Variants in EIF3E observed in about 807,000 individuals in gnomAD.
EIF3E encodes eukaryotic translation initiation factor 3 subunit E.
EIF3E carries 25 observed loss-of-function variants against 59.3 expected under a neutral mutation model. The observed-to-expected ratio is 0.42, with a 90% CI of 0.31 to 0.59. The LOEUF (loss-of-function observed/expected upper bound fraction) is 0.59. EIF3E is among the 20% of genes least tolerant of loss of function. The probability of loss-of-function intolerance (pLI) is 0.15; values close to 1 mark genes in which losing one functional copy is unlikely to be tolerated. For synonymous variants in EIF3E, 176 were observed against 170.2 expected (o/e 1.03, Z -0.26); for missense variants, 317 against 534.3 (o/e 0.59, Z 4.01).
intron 12 of EIF3E, among the ~76,000 whole-genome samples, chr8:108,202,667 A>G (rs1224054008): frequency 6.6e-6 from 1 of 152,064 alleles, no homozygotes; most frequent in Non-Finnish European, 1.5e-5. Context: ...CTACACATGT[A>G]AGTTATCATC....
chr8:108,201,993 A>C (rs890855372), intron 12 of EIF3E, 70 bp from the exon 13 acceptor site: 1 of 1,395,612 alleles, frequency 7.2e-7, no homozygotes, highest in Non-Finnish European at 9.7e-7. Context: ...ACATAGAAGA[A>C]AGTAACACAG....
intron 7 of EIF3E, chr8:108,227,081 T>C (rs559961558): frequency 6.6e-6 from 1 of 152,326 alleles, no homozygotes; most frequent in African/African-American, 2.4e-5. Flanking sequence ...TCTCAGCACT[T>C]TGGGAGGCTG....
rs930734734 is a variant in EIF3E at position 108,234,850 on chromosome 8, G to A, written c.471+148C>T. 15 of 424,414 alleles carry A rather than the reference G, an allele frequency of 3.5e-5. No homozygotes were observed. The East Asian group carries it at 4.8e-4, about 14-fold the overall frequency. The allele number at this position is 424,414 out of a possible 1,614,324, so 26.3% of individuals were successfully genotyped here. On this transcript the variant is annotated intron_variant, in intron 5 of 12. Transcript: ENST00000220849. ...TTCTAGTTTCTGTTTTTGAGTGGGA[G>A]GGTTTTCTTTACTTTTTTCTCTTTT... is the stretch of plus-strand genomic sequence containing the variant.
At chr8:108,208,950 A>AG (rs1815157299) in intron 10 of EIF3E, among the ~76,000 whole-genome samples, 1 of 152,150 alleles carries the variant, frequency 6.6e-6, no homozygotes, top group Non-Finnish European at 1.5e-5. Flanking sequence ...TATGGTAAAC[A>AG]GATTTGTAAC....
rs181405535 is a variant in EIF3E at position 108,228,664 on chromosome 8, C to G, written c.598-273G>C. The stretch of plus-strand genomic sequence containing the variant: ...TCTTACAGAAGTTATAAATTATAAT[C>G]ATTTCAGAAAACATTTTAAAAGCAA... On this transcript the variant is annotated intron_variant, in intron 6 of 12. Transcript: ENST00000220849. Among the ~76,000 whole-genome samples the G allele has an allele frequency of 1.7e-4, 26 of 152,224 alleles. No homozygotes were observed. In the East Asian group the frequency reaches 4.2e-3, roughly 25 times the overall value.
At chr8:108,234,960 CAAAAA>C (rs3075616) in intron 5 of EIF3E, 33 bp downstream of exon 5, 7,456 of 866,632 alleles carry the variant, frequency 8.6e-3, no homozygotes, top group South Asian at 0.014. Context: ...CTACAAAAGA[CAAAAA>C]AAAAAAAAAA....
intron 7 of EIF3E, among the ~76,000 whole-genome samples, chr8:108,220,919 G>A (rs1815398947): frequency 6.6e-6 from 1 of 152,182 alleles, no homozygotes; most frequent in African/African-American, 2.4e-5. Flanking sequence ...CTACTCAGGA[G>A]GCTGAATTGG....
chr8:108,212,703 G>A (rs907034499), intron 10 of EIF3E, among the ~76,000 whole-genome samples: 1 of 152,168 alleles, frequency 6.6e-6, no homozygotes, highest in African/African-American at 2.4e-5. Flanking sequence ...TTGGGAGGCT[G>A]AGGCACGAGA....
chr8:108,238,146 G>C (rs1404302210), intron 3 of EIF3E, among the ~76,000 whole-genome samples: 1 of 152,108 alleles, frequency 6.6e-6, no homozygotes, highest in Non-Finnish European at 1.5e-5. Flanking sequence ...TATTTCCGCT[G>C]TCCCTTTGTA....
chr8:108,246,875 T>C (rs374231812), intron 1 of EIF3E, among the ~76,000 whole-genome samples: 48 of 152,352 alleles, frequency 3.2e-4, no homozygotes, highest in African/African-American at 1.2e-3. Flanking sequence ...AATAATACAG[T>C]ATAGAACACA....
intron 7 of EIF3E, among the ~76,000 whole-genome samples, chr8:108,221,804 A>G (rs609185): frequency 1.6e-4 from 19 of 119,038 alleles, no homozygotes; most frequent in African/African-American, 4.8e-4. Context: ...CTACACACAC[A>G]CGCACACACA....
intron 7 of EIF3E, among the ~76,000 whole-genome samples, chr8:108,219,899 T>C (rs1221207798): frequency 6.6e-6 from 1 of 152,050 alleles, no homozygotes; most frequent in South Asian, 2.1e-4. Context: ...TCCTAGTGCT[T>C]TGGGAGGCCG....
At chr8:108,228,041 G>T in intron 7 of EIF3E, 1 of 355,222 alleles carries the variant, frequency 2.8e-6, no homozygotes. Flanking sequence ...CTGGCCCAGG[G>T]ACCACACTTT....
At chr8:108,232,708 G>A (rs1426958267) in intron 5 of EIF3E, among the ~76,000 whole-genome samples, 1 of 152,130 alleles carries the variant, frequency 6.6e-6, no homozygotes, top group Non-Finnish European at 1.5e-5. Flanking sequence ...AAAGGTTCAT[G>A]TGTACTACTC....
Position 108,248,486 on chromosome 8 carries a change from T to C in EIF3E, c.90+127A>G, listed in dbSNP as rs943215934. On this transcript the variant is annotated intron_variant, in intron 1 of 12. Coordinates refer to ENST00000220849, the MANE Select transcript of EIF3E (RefSeq NM_001568.3). ...CTAAACTACCAGAAGATCCTTAGTG[T>C]CCGTCCAGGAACCAAACTCGCGACC... 7.3e-6 allele frequency: 6 copies of C among 819,478 alleles called. No homozygotes were observed. In the African/African-American group the frequency reaches 1.0e-4, roughly 14 times the overall value. 50.8% of individuals were successfully genotyped at this position (819,478 alleles called of 1,614,324 possible).
intron 7 of EIF3E, 91 bp from the exon 8 acceptor site, chr8:108,217,551 A>T: frequency 9.6e-7 from 1 of 1,039,138 alleles, no homozygotes; most frequent in Non-Finnish European, 1.4e-6. Flanking sequence ...CTATTTCACT[A>T]GCCTAAGACT....
chr8:108,205,400 AT>A (rs1284743118), intron 10 of EIF3E, among the ~76,000 whole-genome samples: 2 of 151,998 alleles, frequency 1.3e-5, no homozygotes, highest in African/African-American at 4.8e-5. Flanking sequence ...CTCCATTACT[AT>A]TTCTTAGTTT....
chr8:108,211,367 A>C (rs1181333207), intron 10 of EIF3E, among the ~76,000 whole-genome samples: 4 of 150,788 alleles, frequency 2.7e-5, no homozygotes, highest in South Asian at 4.1e-4. Flanking sequence ...GCATTTTTTC[A>C]TATGTCTGTT....
At chr8:108,230,494 T>A (rs60360182) in intron 5 of EIF3E, among the ~76,000 whole-genome samples, 2,628 of 152,212 alleles carry the variant, frequency 0.017, 67 homozygotes, top group African/African-American at 0.057. Context: ...TTTATCTATA[T>A]GTAAATGTGT....
Sources: gnomAD v4.1 joint callset for allele counts (sites outside exome capture counted in the v4.1 genomes callset) on GRCh38, gnomAD v4.1.1 for gene constraint, MANE v1.5 for transcripts, NCBI Gene and HGNC (gene_info 2026-07-23, HGNC 2026-07-21) for gene names.